The following DMC1 variants were observed in gnomAD, a reference collection of about 807,000 sequenced individuals.
DMC1 encodes the protein DNA meiotic recombinase 1.
DMC1 carries 27 observed loss-of-function variants against 50.1 expected under a neutral mutation model. The observed-to-expected ratio is 0.54, with a 90% CI of 0.40 to 0.74. The LOEUF (loss-of-function observed/expected upper bound fraction) is 0.74, where lower values mean the gene tolerates loss of function less well. Among genes scored for constraint, DMC1 ranks in the 30% least tolerant of loss-of-function variants. DMC1 has a pLI of 0.00. For synonymous variants in DMC1, 148 were observed against 136.1 expected (o/e 1.09, Z -0.61); for missense variants, 295 against 420.2 (o/e 0.70, Z 2.60).
At chr22:38,568,822 C>T (rs1361301336) in intron 1 of DMC1, among the ~76,000 whole-genome samples, 2 of 152,122 alleles carry the variant, frequency 1.3e-5, no homozygotes, top group African/African-American at 4.8e-5. Flanking sequence ...CCTGTAACAT[C>T]CACCTTTTTG....
At chr22:38,551,122 C>T (rs377526385) in intron 7 of DMC1, among the ~76,000 whole-genome samples, 85 of 150,268 alleles carry the variant, frequency 5.7e-4, no homozygotes, top group African/African-American at 2.0e-3. Context: ...GTCGTGAGTG[C>T]CTGTAATCCC....
chr22:38,533,744 C>G (rs527760341), intron 12 of DMC1, among the ~76,000 whole-genome samples: 137 of 152,254 alleles, frequency 9.0e-4, no homozygotes, highest in Non-Finnish European at 1.5e-3. Context: ...AAGATATTTA[C>G]ACAGTCTCAA....
downstream of DMC1, among the ~76,000 whole-genome samples, chr22:38,515,767 C>T (rs2089972869): frequency 6.6e-6 from 1 of 152,116 alleles, no homozygotes; most frequent in Non-Finnish European, 1.5e-5. Context: ...CACTGCACCC[C>T]AGCCTGGGTA....
In DMC1 at chr22:38,519,904, T is replaced by G; in HGVS notation, c.*116A>C. On this transcript the variant is annotated 3_prime_UTR_variant, in exon 14 of 14. Transcript: ENST00000216024. ...TAAGATTTAAATCTCTTTGCTGACTTTTCTTTAGTAACATGTGGGAAAAAA... is the reference window on the plus strand; with the variant it reads ...TAAGATTTAAATCTCTTTGCTGACTGTTCTTTAGTAACATGTGGGAAAAAA... 1 of 808,700 alleles carries G rather than the reference T, an allele frequency of 1.2e-6. No individual in the cohort carries two copies. The highest frequency in any genetic ancestry group is 2.1e-6 in the Non-Finnish European group (1 of 467,646). The allele number at this position is 808,700 out of a possible 1,614,324, so 50.1% of individuals were successfully genotyped here. A position where few individuals can be genotyped will look rare whatever the true frequency, so the allele number is the denominator to read the frequency against.
chr22:38,513,672 G>A, the DMC1 span, among the ~76,000 whole-genome samples: 157 of 152,168 alleles, frequency 1.0e-3, no homozygotes, highest in African/African-American at 3.7e-3. Flanking sequence ...CCGACTATCC[G>A]GTTCAAGCGA....
chr22:38,567,783 C>A (rs6001157), intron 2 of DMC1, among the ~76,000 whole-genome samples, 156 bp from the exon 3 acceptor site: 4,172 of 152,242 alleles, frequency 0.027, 196 homozygotes, highest in African/African-American at 0.096. Flanking sequence ...GTTTTTCAAA[C>A]ACAGAAGAAG....
intron 12 of DMC1, among the ~76,000 whole-genome samples, chr22:38,526,959 G>A (rs554103892): frequency 1.3e-5 from 2 of 152,252 alleles, no homozygotes; most frequent in South Asian, 4.1e-4. Flanking sequence ...TTCTTAGTAA[G>A]CTGACCAAAT....
At chr22:38,552,263 T>C (rs2145942369) in intron 7 of DMC1, among the ~76,000 whole-genome samples, 2 of 152,370 alleles carry the variant, frequency 1.3e-5, no homozygotes, top group Non-Finnish European at 2.9e-5. Context: ...TTATTTTGTT[T>C]AAAACAATTT....
At position 38,521,741 on chromosome 22, in the gene DMC1, C is replaced by T; in HGVS notation, c.837-17G>A. ...GCCTGAAAGCTGAATTAATAAAATA[C>T]TCTTTCAGGTTTCATCATATGGACT... On this transcript the variant is annotated splice_polypyrimidine_tract_variant and intron_variant, in intron 12 of 13. Coordinates refer to ENST00000216024, the MANE Select transcript of DMC1 (RefSeq NM_007068.4). The T allele has an allele frequency of 6.5e-7, 1 of 1,545,208 alleles. No individual in the cohort carries two copies.
chr22:38,518,363 A>C (rs1321533050), downstream of DMC1, among the ~76,000 whole-genome samples: 4 of 152,174 alleles, frequency 2.6e-5, no homozygotes, highest in African/African-American at 9.7e-5. Context: ...CCTAAATATT[A>C]GTCTTTTCTC....
Position 38,530,783 on chromosome 22 carries a change from C to T in DMC1, c.836+6809G>A, listed in dbSNP as rs534914737. Among the ~76,000 whole-genome samples, 16 of 152,176 alleles carry T rather than the reference C, an allele frequency of 1.1e-4. No homozygotes were observed. The South Asian group carries it at 3.3e-3, about 32-fold the overall frequency. On this transcript the variant is annotated intron_variant, in intron 12 of 13. Coordinates refer to ENST00000216024, the MANE Select transcript of DMC1 (RefSeq NM_007068.4). ...ATGATGTTGGATCAGAAGGTGACAT[C>T]CTTAGGACGGGTGTGGTGGCTCACA...
Position 38,567,598 on chromosome 22 carries a change from T to C in DMC1, c.81A>G (p.Leu27=), listed in dbSNP as rs147192303. The C allele has an allele frequency of 8.3e-5, 134 of 1,610,348 alleles. No individual in the cohort carries two copies. In the East Asian group the frequency reaches 2.7e-3, roughly 33 times the overall value. Residue 27 remains leucine (L), a synonymous_variant, in exon 3 of 14, where the codon TTA becomes TTG. Transcript: ENST00000216024. ...AACTACTTACAATTCCATGTTTCTGTAACAGGTCAATATCTTGAAACAAAG... is the reference window on the plus strand; with the variant it reads ...AACTACTTACAATTCCATGTTTCTGCAACAGGTCAATATCTTGAAACAAAG... ...EESLFQDIDL[L]QKHGINVADI...
intron 8 of DMC1, among the ~76,000 whole-genome samples, chr22:38,542,066 C>T (rs1466046601): frequency 6.8e-6 from 1 of 146,796 alleles, no homozygotes; most frequent in Non-Finnish European, 1.5e-5. Flanking sequence ...CATAACCCAA[C>T]ATAAAAACCA....
At position 38,551,421 on chromosome 22, in the gene DMC1, C is replaced by T. The variant is rs539880278; in HGVS notation, c.421+1245G>A. On this transcript the variant is annotated intron_variant, in intron 7 of 13. Transcript: ENST00000216024. ...TCGGCCCACGGCAACCTCTGCCTCC[C>T]GGGTTCAAGTGATTCTCTGACCTCA... Among the ~76,000 whole-genome samples, 215 of 151,900 alleles carry T rather than the reference C, an allele frequency of 1.4e-3. 5 individuals are homozygous for T. Among genetic ancestry groups the T allele is most frequent in the East Asian group, 7.8e-4 (4 of 5,098 alleles).
intron 5 of DMC1, among the ~76,000 whole-genome samples, chr22:38,557,394 T>C (rs528389266): frequency 2.2e-4 from 33 of 152,250 alleles, no homozygotes; most frequent in African/African-American, 7.5e-4. Flanking sequence ...ATCAAACCCA[T>C]AGATTACTAT....
rs1171059652 is a variant in DMC1, at chr22:38,545,489, C to G, written c.494+4436G>C. Among the ~76,000 whole-genome samples, 8 of 152,244 alleles carry G rather than the reference C, an allele frequency of 5.3e-5. No individual in the cohort carries two copies. The East Asian group carries it at 1.5e-3, about 29-fold the overall frequency. On this transcript the variant is annotated intron_variant, in intron 8 of 13. Transcript: ENST00000216024. The stretch of plus-strand genomic sequence containing the variant: ...CCAGGCCGGACTGCAGTGGCGCTAT[C>G]TCGGCTCACTGCAAGCTCCGCCTCG...
At chr22:38,509,848 T>G in the DMC1 span, among the ~76,000 whole-genome samples, 8 of 152,072 alleles carry the variant, frequency 5.3e-5, no homozygotes, top group Non-Finnish European at 7.4e-5. Context: ...TATTTTTTAG[T>G]AGAGACTGGC....
intron 8 of DMC1, among the ~76,000 whole-genome samples, chr22:38,547,475 C>T (rs913311123): frequency 1.7e-4 from 26 of 152,010 alleles, no homozygotes; most frequent in African/African-American, 6.3e-4. Context: ...CATAGGTCTT[C>T]TTTGTTATTA....
At chr22:38,509,318 G>A in the DMC1 span, among the ~76,000 whole-genome samples, 13 of 152,168 alleles carry the variant, frequency 8.5e-5, no homozygotes, top group African/African-American at 2.4e-4. Context: ...CTCTCCCTCC[G>A]CCGACCCCCA....
Sources: allele counts gnomAD v4.1 joint callset (sites outside exome capture counted in the v4.1 genomes callset), GRCh38; gene constraint gnomAD v4.1.1; transcripts MANE v1.5; gene names NCBI Gene and HGNC (gene_info 2026-07-23, HGNC 2026-07-21).